DPP6: variants seen among roughly 807,000 people sequenced by gnomAD.
The protein encoded by DPP6 is dipeptidyl peptidase like 6.
DPP6 carries 69 observed loss-of-function variants against 122.6 expected under a neutral mutation model. The ratio of observed to expected loss-of-function variants is 0.56; its 90% CI spans 0.46 to 0.69. The LOEUF (loss-of-function observed/expected upper bound fraction) is 0.69. Ranked by LOEUF, DPP6 falls within the 30% of genes least tolerant of loss-of-function variation. The probability of loss-of-function intolerance (pLI) is 0.00; values close to 1 mark genes in which losing one functional copy is unlikely to be tolerated. For missense variants in DPP6, 928 were observed against 1,116.9 expected, an observed-to-expected ratio of 0.83 and a Z score of 2.41; for synonymous variants, 418 against 433.1, an observed-to-expected ratio of 0.97 and a Z score of 0.43.
chr7:154,777,330 G>A (rs1796641576), intron 10 of DPP6, among the ~76,000 whole-genome samples: 1 of 152,132 alleles, frequency 6.6e-6, no homozygotes, highest in African/African-American at 2.4e-5. Context: ...AGGATCCCGG[G>A]GCAAAATTGG....
the DPP6 span, among the ~76,000 whole-genome samples, chr7:153,809,097 G>C: frequency 6.6e-6 from 1 of 152,004 alleles, no homozygotes; most frequent in Non-Finnish European, 1.5e-5. Context: ...ATCCTAACGG[G>C]TGAAGTGATG....
chr7:153,772,396 T>G, the DPP6 span, among the ~76,000 whole-genome samples: 2 of 152,164 alleles, frequency 1.3e-5, no homozygotes, highest in Non-Finnish European at 2.9e-5. Flanking sequence ...GAGAATAATG[T>G]TATTTAAAGT....
intron 1 of DPP6, among the ~76,000 whole-genome samples, chr7:154,125,385 C>T (rs536953095): frequency 1.5e-4 from 23 of 152,294 alleles, no homozygotes; most frequent in African/African-American, 4.1e-4. Flanking sequence ...TATTAAATTA[C>T]GTTCCTTTTA....
chr7:154,536,067 A>G (rs2130184536), intron 3 of DPP6, among the ~76,000 whole-genome samples: 1 of 152,338 alleles, frequency 6.6e-6, no homozygotes, highest in African/African-American at 2.4e-5. Context: ...ATTTGAATGC[A>G]TAAAAATTGA....
At chr7:153,781,977 T>TACACACACACACACACAC in the DPP6 span, among the ~76,000 whole-genome samples, 4 of 89,762 alleles carry the variant, frequency 4.5e-5, no homozygotes, top group Admixed American at 1.0e-4. Context: ...CCCCAGAGAA[T>TACACACACACACACACAC]ACACACACAC....
chr7:153,973,662 T>C (rs1796144561), intron 1 of DPP6, among the ~76,000 whole-genome samples: 1 of 134,864 alleles, frequency 7.4e-6, no homozygotes, highest in African/African-American at 2.5e-5. Flanking sequence ...TGTGTGTGTG[T>C]GTGTGTGTGT....
chr7:154,513,575 A>G (rs1826250725), intron 3 of DPP6, among the ~76,000 whole-genome samples: 1 of 152,158 alleles, frequency 6.6e-6, no homozygotes, highest in South Asian at 2.1e-4. Flanking sequence ...CTAGGGGTGA[A>G]GCAAGGACTC....
At chr7:154,386,218 G>A (rs756858728) in intron 1 of DPP6, among the ~76,000 whole-genome samples, 4 of 152,114 alleles carry the variant, frequency 2.6e-5, no homozygotes, top group Non-Finnish European at 4.4e-5. Context: ...TTATCTTGTT[G>A]CAACTGTTTC....
At chr7:154,450,285 G>T (rs1217203703) in intron 2 of DPP6, among the ~76,000 whole-genome samples, 1 of 152,120 alleles carries the variant, frequency 6.6e-6, no homozygotes, top group Non-Finnish European at 1.5e-5. Flanking sequence ...TTGCTAATAG[G>T]TATGAAATTT....
intron 3 of DPP6, among the ~76,000 whole-genome samples, chr7:154,491,579 C>A (rs1214783962): frequency 6.6e-6 from 1 of 152,220 alleles, no homozygotes; most frequent in East Asian, 1.9e-4. Flanking sequence ...TTCCTCCTCC[C>A]TCTTTTGAAT....
intron 7 of DPP6, among the ~76,000 whole-genome samples, chr7:154,708,626 G>T (rs1840967914): frequency 6.6e-6 from 1 of 152,030 alleles, no homozygotes; most frequent in Admixed American, 6.6e-5. Flanking sequence ...GAAAATTTTT[G>T]TGCCAAGATG....
At chr7:154,611,776 C>T (rs934155810) in intron 5 of DPP6, among the ~76,000 whole-genome samples, 2 of 152,052 alleles carry the variant, frequency 1.3e-5, no homozygotes, top group South Asian at 4.2e-4. Context: ...TAACATCTTG[C>T]ACAACTATAG....
chr7:154,298,528 G>A (rs936337478), intron 1 of DPP6, among the ~76,000 whole-genome samples: 1 of 152,168 alleles, frequency 6.6e-6, no homozygotes, highest in South Asian at 2.1e-4. Context: ...AATGAAGGAA[G>A]CCCCAGATCA....
chr7:154,195,612 C>A (rs370537905), intron 1 of DPP6, among the ~76,000 whole-genome samples: 1 of 152,170 alleles, frequency 6.6e-6, no homozygotes, highest in Admixed American at 6.5e-5. Context: ...AGGAAGATGG[C>A]ACTAGACACC....
the DPP6 span, among the ~76,000 whole-genome samples, chr7:153,772,974 C>CTT: frequency 0.88 from 126,042 of 142,552 alleles, 56,215 homozygotes; most frequent in East Asian, 1. Flanking sequence ...AAAGAAAAGA[C>CTT]TTATATATTA....
intron 5 of DPP6, among the ~76,000 whole-genome samples, chr7:154,575,396 T>A (rs1192153458): frequency 3.9e-5 from 4 of 103,006 alleles, no homozygotes; most frequent in African/African-American, 1.6e-4. Flanking sequence ...GTGTGTGTAG[T>A]GTGTGTGTGG....
intron 1 of DPP6, among the ~76,000 whole-genome samples, chr7:154,429,323 G>C (rs2151249205): frequency 6.6e-6 from 1 of 152,306 alleles, no homozygotes; most frequent in East Asian, 1.9e-4. Flanking sequence ...TGACCACCTA[G>C]CTTCACAGAT....
rs1394804158 is a variant in DPP6 at position 154,088,548 on chromosome 7, GTTCC to G, written c.243+35487_243+35490del. Among the ~76,000 whole-genome samples, 3 of 148,216 alleles carry G rather than the reference GTTCC, an allele frequency of 2.0e-5. No individual in the cohort carries two copies. The East Asian group carries it at 5.9e-4, about 29-fold the overall frequency. ...CTAAACCCTGTTTGGAAGCCCTGAA[GTTCC>G]TGCCTGGGGAAGTCAAGTAAAAATG... On this transcript the variant is annotated intron_variant, in intron 1 of 25. Coordinates refer to ENST00000377770, the MANE Select transcript of DPP6 (RefSeq NM_130797.4).
chr7:154,094,341 G>A (rs1280581981), intron 1 of DPP6: 2 of 152,436 alleles, frequency 1.3e-5, no homozygotes, highest in African/African-American at 4.8e-5. Flanking sequence ...AGGCAGTTGA[G>A]TTCTTAGGGA....
Sources: gnomAD v4.1 joint callset for allele counts (sites outside exome capture counted in the v4.1 genomes callset) on GRCh38, gnomAD v4.1.1 for gene constraint, MANE v1.5 for transcripts, NCBI Gene and HGNC (gene_info 2026-07-23, HGNC 2026-07-21) for gene names.